The following STX16 variants were observed in gnomAD, a reference collection of about 807,000 sequenced individuals.
STX16 encodes syntaxin 16, also known as syntaxin-16.
In STX16, 28 loss-of-function variants were observed where a neutral mutation model predicts 42.7. That is an observed-to-expected ratio of 0.66 (90% CI 0.49 to 0.90). STX16 has a LOEUF of 0.90. Ranked by LOEUF, STX16 falls within the 40% of genes least tolerant of loss-of-function variation. The probability of loss-of-function intolerance (pLI) is 0.00; values close to 1 mark genes in which losing one functional copy is unlikely to be tolerated. For synonymous variants in STX16, 156 were observed against 155.2 expected, an observed-to-expected ratio of 1.00 and a Z score of -0.04; for missense variants, 361 against 420.9, an observed-to-expected ratio of 0.86 and a Z score of 1.24.
intron 1 of STX16, among the ~76,000 whole-genome samples, chr20:58,654,654 C>A (rs1236258907): frequency 6.6e-6 from 1 of 152,134 alleles, no homozygotes; most frequent in East Asian, 1.9e-4. Context: ...TTGTTTCTGA[C>A]TTGTAAATTT....
At chr20:58,661,739 T>G (rs1159396557) in intron 2 of STX16, among the ~76,000 whole-genome samples, 1 of 152,170 alleles carries the variant, frequency 6.6e-6, no homozygotes, top group African/African-American at 2.4e-5. Context: ...GGGGGTGTGG[T>G]TGGGGACAGT....
Position 58,663,838 on chromosome 20 carries a change from C to T in STX16, c.145-3652C>T, listed in dbSNP as rs532052776. Among the ~76,000 whole-genome samples, 26 of 152,160 alleles carry T rather than the reference C, an allele frequency of 1.7e-4. No individual in the cohort carries two copies. The East Asian group carries it at 4.3e-3, about 25-fold the overall frequency. ...GATTACAGGTGCATGCCACCATGCC[C>T]GGCTAATTTTTGTATTTTCAGTAGA... On this transcript the variant is annotated intron_variant, in intron 2 of 8. Coordinates refer to ENST00000371141, the MANE Select transcript of STX16 (RefSeq NM_001001433.3).
intron 8 of STX16, among the ~76,000 whole-genome samples, chr20:58,675,864 G>A (rs1172207337): frequency 3.9e-5 from 6 of 152,228 alleles, no homozygotes; most frequent in Admixed American, 6.5e-5. Flanking sequence ...ACGGCCTGCA[G>A]GAGGAAAAGC....
rs1202229665 is a variant in STX16, at chr20:58,676,592, A to G, written c.*301A>G. ...TTTTTTAGAAAGAGAAAATGAGCTG[A>G]GAGTTTACAGGCACTGCAGAAGCTG... On this transcript the variant is annotated 3_prime_UTR_variant, in exon 9 of 9. Transcript: ENST00000371141. 7.9e-6 allele frequency: 2 copies of G among 252,880 alleles called. No individual in the cohort carries two copies. The highest frequency in any genetic ancestry group is 1.5e-5 in the Non-Finnish European group (2 of 134,152). 15.7% of individuals were successfully genotyped at this position (252,880 alleles called of 1,614,324 possible).
At chr20:58,667,236 C>T in intron 2 of STX16, 1 of 582,120 alleles carries the variant, frequency 1.7e-6, no homozygotes. Context: ...GAAGTATGTC[C>T]AAGGAAATTA....
chr20:58,652,324 G>A lies in STX16; in HGVS notation c.132+186G>A, dbSNP rs938672375. 10 of 827,512 alleles carry A rather than the reference G, an allele frequency of 1.2e-5. No homozygotes were observed. In the Admixed American group the frequency reaches 1.9e-4, roughly 15 times the overall value. 51.3% of individuals were successfully genotyped at this position (827,512 alleles called of 1,614,324 possible). A position where few individuals can be genotyped will look rare whatever the true frequency, so the allele number is the denominator to read the frequency against. On this transcript the variant is annotated intron_variant, in intron 1 of 8. Coordinates refer to ENST00000371141, the MANE Select transcript of STX16 (RefSeq NM_001001433.3). The stretch of plus-strand genomic sequence containing the variant: ...CTGGATGAGGAAGAAGCGGTGCTGT[G>A]AGGCCGCAGCTCCACCTCTGCCCGG...
At position 58,676,211 on chromosome 20, in the gene STX16, C is replaced by G. The variant is rs758746735; in HGVS notation, c.898C>G (p.Arg300Gly). 6.2e-7 allele frequency: 1 copy of G among 1,614,116 alleles called. No homozygotes were observed. Among genetic ancestry groups the G allele is most frequent in the South Asian group, 1.1e-5 (1 of 91,078 alleles). Residue 300 changes from arginine to glycine, a missense_variant, in exon 9 of 9, where the codon CGG (arginine) becomes GGG (glycine). Transcript: ENST00000371141. ...GGCAGAACAGTATCAAAAGAAGAAT[C>G]GGAAGATGCTTGTGATTTTAATATT... ...HKAEQYQKKNRKMLVILILFV... is the reference protein window; with the variant it reads ...HKAEQYQKKNGKMLVILILFV...
At chr20:58,653,868 TC>T (rs753935654) in intron 1 of STX16, among the ~76,000 whole-genome samples, 1 of 151,684 alleles carries the variant, frequency 6.6e-6, no homozygotes, top group South Asian at 2.1e-4. Flanking sequence ...TTTTTTTTTT[TC>T]CCGATTAAGT....
intron 1 of STX16, among the ~76,000 whole-genome samples, chr20:58,653,813 C>T (rs1317013055): frequency 1.3e-5 from 2 of 150,538 alleles, no homozygotes; most frequent in African/African-American, 4.9e-5. Context: ...AATTTTTAAT[C>T]ATTAAGGTTC....
intron 2 of STX16, among the ~76,000 whole-genome samples, chr20:58,659,998 A>G (rs1258653397): frequency 1.3e-5 from 2 of 152,170 alleles, no homozygotes; most frequent in Non-Finnish European, 2.9e-5. Flanking sequence ...GGTAGACAGT[A>G]TAGAAGGCCA....
intron 7 of STX16, 81 bp from the exon 8 acceptor site, chr20:58,673,550 G>C: frequency 1.1e-6 from 1 of 935,740 alleles, no homozygotes; most frequent in Non-Finnish European, 1.7e-6. Flanking sequence ...GATGATGTCT[G>C]TAATTTGCAT....
In STX16 at chr20:58,676,318, C is replaced by T. The variant is rs767606561; in HGVS notation, c.*27C>T. Reference sequence around the variant, plus strand: ...TGGCATTGGGTTTTCGTGTGTGCCGCGCGTGTGGATCTCCCGGGTGTGAGG... The same window carrying T: ...TGGCATTGGGTTTTCGTGTGTGCCGTGCGTGTGGATCTCCCGGGTGTGAGG... On this transcript the variant is annotated 3_prime_UTR_variant, in exon 9 of 9. Transcript: ENST00000371141. The T allele has an allele frequency of 5.0e-6, 8 of 1,592,256 alleles. No individual in the cohort carries two copies. Among genetic ancestry groups the T allele is most frequent in the Non-Finnish European group, 6.0e-6 (7 of 1,160,096 alleles).
Position 58,676,331 on chromosome 20 carries a change from C to G in STX16, c.*40C>G, listed in dbSNP as rs2084124373. 2 of 1,574,382 alleles carry G rather than the reference C, an allele frequency of 1.3e-6. No homozygotes were observed. The highest frequency in any genetic ancestry group is 1.7e-6 in the Non-Finnish European group (2 of 1,144,046). ...TCGTGTGTGCCGCGCGTGTGGATCT[C>G]CCGGGTGTGAGGGGCTTGGCCTGCG... On this transcript the variant is annotated 3_prime_UTR_variant, in exon 9 of 9. Coordinates refer to ENST00000371141, the MANE Select transcript of STX16 (RefSeq NM_001001433.3).
chr20:58,668,227 C>T (rs2083883929), intron 4 of STX16, 100 bp downstream of exon 4: 37 of 1,475,996 alleles, frequency 2.5e-5, no homozygotes, highest in Non-Finnish European at 3.3e-5. Context: ...GAGTCATTTC[C>T]CAACCTGAAG....
chr20:58,654,775 A>T (rs188671806), intron 1 of STX16, among the ~76,000 whole-genome samples: 1 of 152,228 alleles, frequency 6.6e-6, no homozygotes, highest in Non-Finnish European at 1.5e-5. Flanking sequence ...TGCTAATTTT[A>T]TTAGAGATGC....
intron 1 of STX16, among the ~76,000 whole-genome samples, chr20:58,652,503 C>A (rs2083491754): frequency 6.6e-6 from 1 of 151,760 alleles, no homozygotes; most frequent in Admixed American, 6.6e-5. Flanking sequence ...GTTTGAAGCT[C>A]CCCTCCCCCC....
rs746838077 is a variant in STX16 at position 58,669,328 on chromosome 20, C to T, written c.431C>T (p.Pro144Leu). 17 of 1,611,542 alleles carry T rather than the reference C, an allele frequency of 1.1e-5. No individual in the cohort carries two copies. The highest frequency in any genetic ancestry group is 8.9e-5 in the East Asian group (4 of 44,846). Residue 144 changes from proline (P) to leucine (L), a missense_variant, in exon 5 of 9, where the codon CCG becomes CTG. Coordinates refer to ENST00000371141, the MANE Select transcript of STX16 (RefSeq NM_001001433.3). Reference protein sequence around the residue: ...HRCQRAVQALPSRARACSEQE... With the variant: ...HRCQRAVQALLSRARACSEQE... ...TGCCAGCGTGCCGTGCAGGCCCTGC[C>T]GAGCCGGGCCCGGGCCTGCTCCGAG... is the stretch of plus-strand genomic sequence containing the variant.
At chr20:58,674,472 G>A (rs1420520181) in intron 8 of STX16, among the ~76,000 whole-genome samples, 2 of 152,182 alleles carry the variant, frequency 1.3e-5, no homozygotes, top group African/African-American at 4.8e-5. Flanking sequence ...ACCCAGTGGA[G>A]TTTCTAGCCA....
Position 58,671,286 on chromosome 20 carries a change from A to C in STX16, c.781A>C (p.Ile261Leu), listed in dbSNP as rs1031420787. 26 of 1,610,668 alleles carry C rather than the reference A, an allele frequency of 1.6e-5. No homozygotes were observed. The highest frequency in any genetic ancestry group is 2.0e-5 in the Non-Finnish European group (24 of 1,177,874). Residue 261 changes from isoleucine to leucine, a missense_variant, in exon 7 of 9, where the codon ATT becomes CTT. Physicochemically the swap from Ile to Leu is conservative, Grantham distance 5. Coordinates refer to ENST00000371141, the MANE Select transcript of STX16 (RefSeq NM_001001433.3). Reference protein sequence around the residue: ...NEIFRDLGAMIVEQGTVLDRI... With the variant: ...NEIFRDLGAMLVEQGTVLDRI... Reference sequence around the variant, plus strand: ...AATATTCAGGGACTTAGGGGCGATGATTGTAGAACAGGTACGTGAGCTGGC... The same window carrying C: ...AATATTCAGGGACTTAGGGGCGATGCTTGTAGAACAGGTACGTGAGCTGGC...
Sources: allele counts gnomAD v4.1 joint callset (sites outside exome capture counted in the v4.1 genomes callset), GRCh38; gene constraint gnomAD v4.1.1; transcripts MANE v1.5; gene names NCBI Gene and HGNC (gene_info 2026-07-23, HGNC 2026-07-21).